Variants in KLC3 observed in about 807,000 individuals in gnomAD.
KLC3 encodes kinesin light chain 3, also known as kinesin light chain 2.
A neutral mutation model predicts 62.9 loss-of-function variants in KLC3; 72 were observed. The ratio of observed to expected loss-of-function variants is 1.15; its 90% CI spans 0.95 to 1.39. The LOEUF is 1.39. Among genes scored for constraint, KLC3 ranks in the 40% most tolerant of loss-of-function variants. The pLI is 0.00. For synonymous variants in KLC3, 377 were observed against 300.5 expected, an observed-to-expected ratio of 1.25 and a Z score of -2.63; for missense variants, 848 against 691.6, an observed-to-expected ratio of 1.23 and a Z score of -2.54.
intron 1 of KLC3, among the ~76,000 whole-genome samples, chr19:45,342,814 T>C (rs1374470888): frequency 2.6e-5 from 4 of 152,282 alleles, no homozygotes; most frequent in Admixed American, 1.3e-4. Context: ...ACATCACATA[T>C]ATACACATAC....
At chr19:45,347,340 C>CAAA (rs538695727) in intron 3 of KLC3, 107 bp from the exon 4 acceptor site, 799 of 556,302 alleles carry the variant, frequency 1.4e-3, no homozygotes, top group African/African-American at 2.9e-3. Flanking sequence ...AACTCCGTCT[C>CAAA]AAAAAAAAAA....
intron 5 of KLC3, among the ~76,000 whole-genome samples, chr19:45,348,398 C>T (rs1356927254): frequency 6.6e-6 from 1 of 152,130 alleles, no homozygotes; most frequent in East Asian, 1.9e-4. Flanking sequence ...AGCACGGACA[C>T]CAGGGACCCC....
In KLC3 at chr19:45,348,117, CCT is replaced by C. The variant is rs1568523969; in HGVS notation, c.737_738del (p.Pro246ArgfsTer28). On this transcript the variant is annotated frameshift_variant, in exon 5 of 13. Transcript: ENST00000391946. LOFTEE classifies it high-confidence loss of function. ...DLERSSGHCH[P>X]DVATMLNILA... ...GGAGCGCAGCTCGGGCCACTGCCAC[CCT>C]GACGTGGCCACCATGCTCAACATCC... The C allele has an allele frequency of 1.2e-6, 2 of 1,600,472 alleles. No individual in the cohort carries two copies. Among genetic ancestry groups the C allele is most frequent in the South Asian group, 2.2e-5 (2 of 89,140 alleles).
In KLC3 at chr19:45,350,759, T is replaced by A. The variant is rs1417497880; in HGVS notation, c.1379+12T>A. 6.2e-7 allele frequency: 1 copy of A among 1,603,140 alleles called. No individual in the cohort carries two copies. The highest frequency in any genetic ancestry group is 8.5e-7 in the Non-Finnish European group (1 of 1,175,222). On this transcript the variant is annotated intron_variant, in intron 11 of 12. Transcript: ENST00000391946. Reference sequence around the variant, plus strand: ...GCAGGAGCAGCCGGGTGAGTGTTGATCAGGTCGGCAAAGAGCCCTGACATC... The same window carrying A: ...GCAGGAGCAGCCGGGTGAGTGTTGAACAGGTCGGCAAAGAGCCCTGACATC...
In KLC3 at chr19:45,346,532, C is replaced by A; in HGVS notation, c.259-12C>A. The A allele has an allele frequency of 6.6e-7, 1 of 1,517,294 alleles. No homozygotes were observed. The highest frequency in any genetic ancestry group is 2.0e-5 in the Admixed American group (1 of 49,264). The allele number at this position is 1,517,294 out of a possible 1,614,324, so 94.0% of individuals were successfully genotyped here. A position where few individuals can be genotyped will look rare whatever the true frequency, so the allele number is the denominator to read the frequency against. On this transcript the variant is annotated splice_polypyrimidine_tract_variant and intron_variant, in intron 2 of 12. Transcript: ENST00000391946. Reference sequence around the variant, plus strand: ...GGAACCAACCTCGACTTGGGACCCCCACCCCGGGCAGGTGCTGCTGGCCCT... The same window carrying A: ...GGAACCAACCTCGACTTGGGACCCCAACCCCGGGCAGGTGCTGCTGGCCCT...
In KLC3 at chr19:45,346,634, G is replaced by A. The variant is rs931015525; in HGVS notation, c.349G>A (p.Val117Met). Reference protein sequence around the residue: ...SQARRLAQENVWLREELEETQ... With the variant: ...SQARRLAQENMWLREELEETQ... ...GGCCCGGCGGCTGGCCCAGGAGAAC[G>A]TGTGGCTGCGGGAGGAACTGGAGGA... Residue 117 changes from valine (V) to methionine (M), a missense_variant, in exon 3 of 13, where the codon GTG becomes ATG. Transcript: ENST00000391946. 9.7e-6 allele frequency: 15 copies of A among 1,553,744 alleles called. No homozygotes were observed. Among genetic ancestry groups the A allele is most frequent in the Middle Eastern group, 1.7e-4 (1 of 5,848 alleles).
chr19:45,345,615 G>A lies in KLC3; in HGVS notation c.74G>A (p.Arg25Gln), dbSNP rs1305825219. The A allele has an allele frequency of 4.4e-6, 7 of 1,580,320 alleles. No individual in the cohort carries two copies. Among genetic ancestry groups the A allele is most frequent in the African/African-American group, 2.7e-5 (2 of 74,420 alleles). The change falls in exon 2 of 13, where the codon CGG becomes CAG. Residue 25 changes from arginine (R) to glutamine (Q), a missense_variant. Coordinates refer to ENST00000391946, the MANE Select transcript of KLC3 (RefSeq NM_177417.3). ...PERLSPEELV[R>Q]QTRQVVQGLE... ...CGCCTGAGCCCTGAGGAGCTGGTGC[G>A]GCAGACGCGGCAAGTGGTCCAGGGG... is the stretch of plus-strand genomic sequence containing the variant.
At chr19:45,350,815 C>T in intron 11 of KLC3, 68 bp downstream of exon 11, 1 of 1,362,928 alleles carries the variant, frequency 7.3e-7, no homozygotes, top group Non-Finnish European at 1.0e-6. Flanking sequence ...CCACCCCCAC[C>T]CCCATCTTGC....
chr19:45,342,256 G>A (rs1971410878), intron 1 of KLC3, among the ~76,000 whole-genome samples: 1 of 152,074 alleles, frequency 6.6e-6, no homozygotes, highest in South Asian at 2.1e-4. Context: ...ATGTTTGTGT[G>A]TGAGGTGTGA....
rs566928519 is a variant in KLC3 at position 45,350,160 on chromosome 19, G to A, written c.1144-181G>A. The A allele has an allele frequency of 5.0e-4, 297 of 599,972 alleles. 2 individuals are homozygous for A. The highest frequency in any genetic ancestry group is 4.5e-3 in the African/African-American group (240 of 53,816). 37.2% of individuals were successfully genotyped at this position (599,972 alleles called of 1,614,324 possible). ...AGTGGGGCCAGACGTGGTGGTTCACGCTTGTAACCCCAACACTTTGGGAGG... is the reference window on the plus strand; with the variant it reads ...AGTGGGGCCAGACGTGGTGGTTCACACTTGTAACCCCAACACTTTGGGAGG... On this transcript the variant is annotated intron_variant, in intron 8 of 12. Transcript: ENST00000391946.
chr19:45,350,312 A>G, intron 8 of KLC3, 29 bp from the exon 9 acceptor site: 2 of 1,602,256 alleles, frequency 1.2e-6, no homozygotes, highest in Non-Finnish European at 1.7e-6. Flanking sequence ...TGGGGTCCGA[A>G]AAGTTCCCAG....
intron 1 of KLC3, among the ~76,000 whole-genome samples, chr19:45,344,644 A>G (rs1024096853): frequency 1.3e-5 from 2 of 151,998 alleles, no homozygotes; most frequent in African/African-American, 2.4e-5. Context: ...GTTTCTGAGG[A>G]GTGTGTTTGT....
Position 45,346,883 on chromosome 19 carries a change from A to ACAGTCCCCAAGATCCTCCTTAGAATCC in KLC3, c.489+117_489+118insAAGATCCTCCTTAGAATCCCAGTCCCC. The stretch of plus-strand genomic sequence containing the variant: ...TCCCCAAGATCCTCCTTAGAATCCC[A>ACAGTCCCCAAGATCCTCCTTAGAATCC]CAGTCCCCCAGACCCTCCTTAGAAT... On this transcript the variant is annotated intron_variant, in intron 3 of 12. Transcript: ENST00000391946. 5 of 1,064,306 alleles carry ACAGTCCCCAAGATCCTCCTTAGAATCC rather than the reference A, an allele frequency of 4.7e-6. No individual in the cohort carries two copies. In the South Asian group the frequency reaches 7.7e-5, roughly 16 times the overall value. 65.9% of individuals were successfully genotyped at this position (1,064,306 alleles called of 1,614,324 possible).
At chr19:45,343,356 C>T (rs901471237) in intron 1 of KLC3, among the ~76,000 whole-genome samples, 9 of 151,960 alleles carry the variant, frequency 5.9e-5, no homozygotes, top group Non-Finnish European at 8.8e-5. Context: ...CTTTTTGACA[C>T]GGAGTTTTGC....
intron 1 of KLC3, among the ~76,000 whole-genome samples, chr19:45,341,407 G>A (rs555751029): frequency 1.9e-3 from 288 of 152,268 alleles, no homozygotes; most frequent in Non-Finnish European, 3.1e-3. Context: ...AAGAGCTAGT[G>A]CGACTGTAGT....
rs751906433 is a variant in KLC3, at chr19:45,347,518, TG to T, written c.559+5del. ...CCAGCGAGGAGGAGGAGAGGAAAGG[TG>T]GGTGTTGGGAGTACATGCCACAGAG... is the stretch of plus-strand genomic sequence containing the variant. On this transcript the variant is annotated splice_donor_region_variant and intron_variant, in intron 4 of 12. Coordinates refer to ENST00000391946, the MANE Select transcript of KLC3 (RefSeq NM_177417.3). The T allele has an allele frequency of 1.3e-5, 21 of 1,604,516 alleles. No homozygotes were observed. The highest frequency in any genetic ancestry group is 1.8e-5 in the Non-Finnish European group (21 of 1,176,448).
intron 8 of KLC3, chr19:45,349,935 CTGTCGCTCCACTTTGCGTGTGGGAAG>C (rs1971637028): frequency 2.4e-6 from 1 of 418,862 alleles, no homozygotes; most frequent in Non-Finnish European, 4.3e-6. Flanking sequence ...GAGGTGGGAG[CTGTCGCTCCACTTTGCGTGTGGGAAG>C]ACTGAGGCAC....
Position 45,351,283 on chromosome 19 carries a change from C to G in KLC3, c.1444-3C>G. 1.2e-6 allele frequency: 2 copies of G among 1,612,470 alleles called. No homozygotes were observed. Among genetic ancestry groups the G allele is most frequent in the Non-Finnish European group, 1.7e-6 (2 of 1,179,904 alleles). On this transcript the variant is annotated splice_region_variant and splice_polypyrimidine_tract_variant and intron_variant, in intron 12 of 12. Coordinates refer to ENST00000391946, the MANE Select transcript of KLC3 (RefSeq NM_177417.3). ...TCCAACCATCCCCTGTGCCTGTCTC[C>G]AGTTTCCCAGCTGGCACCTGGACAA...
intron 7 of KLC3, among the ~76,000 whole-genome samples, chr19:45,349,182 T>C (rs1971592872): frequency 1.3e-5 from 2 of 152,008 alleles, no homozygotes; most frequent in Non-Finnish European, 2.9e-5. Context: ...CAACCCCTCA[T>C]GGCCACCAGC....
Sources: gnomAD v4.1 joint callset for allele counts (sites outside exome capture counted in the v4.1 genomes callset) on GRCh38, gnomAD v4.1.1 for gene constraint, MANE v1.5 for transcripts, NCBI Gene and HGNC (gene_info 2026-07-23, HGNC 2026-07-21) for gene names.